The following KCNH1 variants were observed in gnomAD, a reference collection of about 807,000 sequenced individuals.
KCNH1 encodes voltage-gated delayed rectifier potassium channel KCNH1.
KCNH1 carries 27 observed loss-of-function variants against 69.2 expected under a neutral mutation model. The ratio of observed to expected loss-of-function variants is 0.39; its 90% CI spans 0.29 to 0.54. The LOEUF (loss-of-function observed/expected upper bound fraction) is 0.54. Ranked by LOEUF, KCNH1 falls within the 20% of genes least tolerant of loss-of-function variation. The probability of loss-of-function intolerance (pLI) is 0.68; values close to 1 mark genes in which losing one functional copy is unlikely to be tolerated. For synonymous variants in KCNH1, 456 were observed against 487.7 expected (o/e 0.93, Z 0.86); for missense variants, 798 against 1,261.6 (o/e 0.63, Z 5.57).
intron 6 of KCNH1, among the ~76,000 whole-genome samples, chr1:210,986,106 C>G (rs181078834): frequency 6.6e-6 from 1 of 152,002 alleles, no homozygotes; most frequent in African/African-American, 2.4e-5. Context: ...GGATTGCAAC[C>G]CCTGCCTTTT....
intron 1 of KCNH1, among the ~76,000 whole-genome samples, chr1:211,114,433 A>G (rs1691531261): frequency 6.6e-6 from 1 of 152,206 alleles, no homozygotes; most frequent in Non-Finnish European, 1.5e-5. Flanking sequence ...GCAAAGGGGA[A>G]GATTAGATCT....
chr1:211,069,372 GA>G (rs1690592778), intron 5 of KCNH1, among the ~76,000 whole-genome samples: 2 of 148,020 alleles, frequency 1.4e-5, no homozygotes, highest in African/African-American at 5.0e-5. Flanking sequence ...AAGGCATATT[GA>G]AAGGCAAAAA....
At chr1:210,989,618 A>C (rs561479213) in intron 6 of KCNH1, among the ~76,000 whole-genome samples, 9 of 152,296 alleles carry the variant, frequency 5.9e-5, no homozygotes, top group Admixed American at 3.3e-4. Flanking sequence ...AGGAACAGAA[A>C]TGAGAAAAAG....
chr1:210,765,179 G>A (rs1267592001), intron 10 of KCNH1, among the ~76,000 whole-genome samples: 1 of 151,986 alleles, frequency 6.6e-6, no homozygotes, highest in African/African-American at 2.4e-5. Flanking sequence ...CACAAAGATG[G>A]GAACAATAAA....
intron 7 of KCNH1, among the ~76,000 whole-genome samples, chr1:210,834,186 T>C (rs7519474): frequency 0.83 from 126,191 of 151,208 alleles, 52,837 homozygotes; most frequent in African/African-American, 0.86. Context: ...CATTACTGGG[T>C]ATATACCCAA....
chr1:211,006,119 A>G (rs1486794788), intron 6 of KCNH1, among the ~76,000 whole-genome samples: 1 of 152,210 alleles, frequency 6.6e-6, no homozygotes, highest in African/African-American at 2.4e-5. Flanking sequence ...GAAGTAAAGC[A>G]GTGGAAACTC....
chr1:211,080,305 G>A (rs1381078720), intron 5 of KCNH1, among the ~76,000 whole-genome samples: 17 of 152,026 alleles, frequency 1.1e-4, no homozygotes, highest in South Asian at 6.2e-4. Flanking sequence ...ACCACTGCTC[G>A]ATGAAATAAA....
intron 3 of KCNH1, among the ~76,000 whole-genome samples, chr1:211,099,858 C>T (rs1044923212): frequency 6.6e-6 from 1 of 152,130 alleles, no homozygotes; most frequent in Non-Finnish European, 1.5e-5. Context: ...ACACCACTGA[C>T]AAAGGCCCTG....
chr1:210,742,981 AAAAG>A (rs1196596475), intron 10 of KCNH1, among the ~76,000 whole-genome samples: 1 of 152,194 alleles, frequency 6.6e-6, no homozygotes, highest in East Asian at 1.9e-4. Context: ...AGGAAGAGAG[AAAAG>A]AAAGAGGATA....
At chr1:210,856,592 C>A (rs2102473862) in intron 7 of KCNH1, among the ~76,000 whole-genome samples, 1 of 151,214 alleles carries the variant, frequency 6.6e-6, no homozygotes, top group East Asian at 2.0e-4. Flanking sequence ...CCCATTTGGG[C>A]ACATTTTTAC....
Position 211,079,995 on chromosome 1 carries a change from A to G in KCNH1, c.558+2785T>C, listed in dbSNP as rs568826082. Among the ~76,000 whole-genome samples the G allele has an allele frequency of 5.3e-5, 8 of 152,168 alleles. No individual in the cohort carries two copies. In the South Asian group the frequency reaches 1.5e-3, roughly 28 times the overall value. Reference sequence around the variant, plus strand: ...CAATCAGGCAAGAGAAAGAAATAAAAGGTATTTAATTAGGAAAAGAGGAAG... The same window carrying G: ...CAATCAGGCAAGAGAAAGAAATAAAGGGTATTTAATTAGGAAAAGAGGAAG... On this transcript the variant is annotated intron_variant, in intron 5 of 10. Transcript: ENST00000271751.
intron 7 of KCNH1, among the ~76,000 whole-genome samples, chr1:210,867,700 T>C (rs561044763): frequency 4.6e-5 from 7 of 152,170 alleles, no homozygotes; most frequent in African/African-American, 1.2e-4. Flanking sequence ...TAGGCAACAA[T>C]TGATCTACTT....
At chr1:211,116,692 G>T (rs528982870) in intron 1 of KCNH1, among the ~76,000 whole-genome samples, 1 of 152,306 alleles carries the variant, frequency 6.6e-6, no homozygotes, top group South Asian at 2.1e-4. Context: ...CTATGCCCCA[G>T]CCTGGTGGGG....
chr1:210,972,338 T>C (rs976671329), intron 6 of KCNH1, among the ~76,000 whole-genome samples: 1 of 152,152 alleles, frequency 6.6e-6, no homozygotes, highest in Non-Finnish European at 1.5e-5. Flanking sequence ...CTCATAACTT[T>C]TGTCAATTTA....
intron 10 of KCNH1, among the ~76,000 whole-genome samples, chr1:210,728,631 G>GCA (rs565905174): frequency 6.6e-6 from 1 of 152,124 alleles, no homozygotes; most frequent in African/African-American, 2.4e-5. Flanking sequence ...TGTGCACCCA[G>GCA]CACACACACA....
At chr1:210,922,692 A>G (rs553807412) in intron 6 of KCNH1, among the ~76,000 whole-genome samples, 1 of 152,192 alleles carries the variant, frequency 6.6e-6, no homozygotes, top group African/African-American at 2.4e-5. Context: ...ACTAAGGTAC[A>G]AAAGACTAAT....
chr1:211,098,501 C>T (rs1691199901), intron 3 of KCNH1, among the ~76,000 whole-genome samples: 2 of 152,132 alleles, frequency 1.3e-5, no homozygotes, highest in African/African-American at 4.8e-5. Context: ...TCATTCCAAA[C>T]CATACCATGA....
intron 7 of KCNH1, among the ~76,000 whole-genome samples, chr1:210,915,786 AT>A (rs1355763684): frequency 6.6e-6 from 1 of 152,190 alleles, no homozygotes; most frequent in Admixed American, 6.5e-5. Context: ...TCCTCTGGGG[AT>A]TTAGCCAAGT....
chr1:210,930,348 A>G (rs12059232), intron 6 of KCNH1, among the ~76,000 whole-genome samples: 4,903 of 152,296 alleles, frequency 0.032, 215 homozygotes, highest in African/African-American at 0.1. Flanking sequence ...ACATAGACCA[A>G]TGGAATAGAA....
Sources: gnomAD v4.1 joint callset for allele counts (sites outside exome capture counted in the v4.1 genomes callset) on GRCh38, gnomAD v4.1.1 for gene constraint, MANE v1.5 for transcripts, NCBI Gene and HGNC (gene_info 2026-07-23, HGNC 2026-07-21) for gene names.